SMOC1: variants seen among roughly 807,000 people sequenced by gnomAD.
SMOC1 encodes the protein SPARC-related modular calcium-binding protein 1.
SMOC1 carries 22 observed loss-of-function variants against 56.3 expected under a neutral mutation model. The ratio of observed to expected loss-of-function variants is 0.39; its 90% CI spans 0.28 to 0.56. The LOEUF (loss-of-function observed/expected upper bound fraction) is 0.56. Among genes scored for constraint, SMOC1 ranks in the 20% least tolerant of loss-of-function variants. The pLI is 0.61. For missense variants in SMOC1, 509 were observed against 565.4 expected, an observed-to-expected ratio of 0.90 and a Z score of 1.01; for synonymous variants, 193 against 215.0, an observed-to-expected ratio of 0.90 and a Z score of 0.89.
chr14:70,015,353 C>T (rs1255018048), intron 10 of SMOC1, among the ~76,000 whole-genome samples: 1 of 151,840 alleles, frequency 6.6e-6, no homozygotes, highest in Non-Finnish European at 1.5e-5. Context: ...GATCTGCTGT[C>T]CAACATTGTC....
At chr14:69,982,384 T>C (rs1201348793) in intron 5 of SMOC1, among the ~76,000 whole-genome samples, 2 of 152,208 alleles carry the variant, frequency 1.3e-5, no homozygotes, top group African/African-American at 4.8e-5. Context: ...CATATTTATT[T>C]CTCCAAGGTC....
intron 1 of SMOC1, among the ~76,000 whole-genome samples, chr14:69,947,257 A>G (rs1484060979): frequency 6.6e-6 from 1 of 151,578 alleles, no homozygotes; most frequent in Non-Finnish European, 1.5e-5. Flanking sequence ...TGCAGCCTTC[A>G]CCTCTTAGCT....
intron 1 of SMOC1, among the ~76,000 whole-genome samples, chr14:69,940,160 G>GCCCT (rs1330968574): frequency 6.6e-6 from 1 of 152,116 alleles, no homozygotes; most frequent in Non-Finnish European, 1.5e-5. Context: ...CAACCAGAGG[G>GCCCT]GTTCAGTCAC....
At chr14:69,974,814 G>A (rs930120859) in intron 3 of SMOC1, among the ~76,000 whole-genome samples, 8 of 152,096 alleles carry the variant, frequency 5.3e-5, no homozygotes, top group African/African-American at 1.9e-4. Context: ...TCACACAGTG[G>A]TGCAGCAGGG....
At chr14:70,009,753 A>G (rs1342113015) in intron 7 of SMOC1, among the ~76,000 whole-genome samples, 1 of 152,252 alleles carries the variant, frequency 6.6e-6, no homozygotes, top group Non-Finnish European at 1.5e-5. Context: ...CCATGTATGT[A>G]TGTACATAAA....
At chr14:69,970,612 T>A (rs753717849) in intron 3 of SMOC1, among the ~76,000 whole-genome samples, 2 of 152,094 alleles carry the variant, frequency 1.3e-5, no homozygotes, top group African/African-American at 4.8e-5. Flanking sequence ...ATCATGAAAG[T>A]GGAAGGTGGT....
chr14:70,022,795 A>G (rs1237305153), intron 10 of SMOC1, among the ~76,000 whole-genome samples: 1 of 152,248 alleles, frequency 6.6e-6, no homozygotes, highest in African/African-American at 2.4e-5. Context: ...TCAGTCCACC[A>G]CAGGGCACAT....
At chr14:69,903,179 C>T (rs1884299648) in intron 1 of SMOC1, among the ~76,000 whole-genome samples, 1 of 151,814 alleles carries the variant, frequency 6.6e-6, no homozygotes, top group Non-Finnish European at 1.5e-5. Context: ...TCAGGAGCGT[C>T]TCTGCCCGGC....
intron 10 of SMOC1, among the ~76,000 whole-genome samples, chr14:70,017,436 C>T (rs1885558299): frequency 1.3e-5 from 2 of 152,174 alleles, no homozygotes; most frequent in African/African-American, 4.8e-5. Context: ...GAGTTTTGGC[C>T]TTGGCTGTGG....
At chr14:69,919,912 C>CA (rs199923475) in intron 1 of SMOC1, among the ~76,000 whole-genome samples, 1 of 64,330 alleles carries the variant, frequency 1.6e-5, no homozygotes, top group Non-Finnish European at 3.7e-5. Context: ...ACACAAATAC[C>CA]CCCCCCCCCC....
At chr14:69,948,584 A>G (rs1002794692) in intron 1 of SMOC1, among the ~76,000 whole-genome samples, 1 of 152,068 alleles carries the variant, frequency 6.6e-6, no homozygotes, top group African/African-American at 2.4e-5. Context: ...CTTCACGGGG[A>G]TGCTGGCAGC....
At chr14:69,880,011 C>G (rs1331767808) in intron 1 of SMOC1, among the ~76,000 whole-genome samples, 1 of 152,200 alleles carries the variant, frequency 6.6e-6, no homozygotes, top group Non-Finnish European at 1.5e-5. Context: ...CCCGAACTGT[C>G]ACTGGTGGGT....
intron 1 of SMOC1, among the ~76,000 whole-genome samples, chr14:69,943,874 A>G (rs1388232695): frequency 6.6e-6 from 1 of 152,232 alleles, no homozygotes; most frequent in African/African-American, 2.4e-5. Flanking sequence ...CACTGTTGCC[A>G]GAGCTGACAG....
At chr14:69,949,790 G>A (rs887038560) in intron 1 of SMOC1, among the ~76,000 whole-genome samples, 1 of 152,168 alleles carries the variant, frequency 6.6e-6, no homozygotes, top group South Asian at 2.1e-4. Flanking sequence ...GCCAGAGAGG[G>A]GCCCCCGGGT....
At chr14:69,938,496 C>T (rs1882411165) in intron 1 of SMOC1, among the ~76,000 whole-genome samples, 1 of 113,626 alleles carries the variant, frequency 8.8e-6, no homozygotes, top group East Asian at 2.3e-4. Context: ...AGAAAGGAGA[C>T]CCAGCAAGAG....
chr14:69,950,075 A>G lies in SMOC1; in HGVS notation c.100-2063A>G, dbSNP rs61980659. Among the ~76,000 whole-genome samples the G allele has an allele frequency of 5.0e-3, 767 of 152,284 alleles. 5 individuals are homozygous for G. Among genetic ancestry groups the G allele is most frequent in the Non-Finnish European group, 8.8e-3 (600 of 68,016 alleles). ...TGTGCTCATGAGACACTATCTGGAT[A>G]TTTCCCTTTGGGCCCTGGGCAAGAT... On this transcript the variant is annotated intron_variant, in intron 1 of 11. Transcript: ENST00000361956.
intron 1 of SMOC1, among the ~76,000 whole-genome samples, chr14:69,889,079 A>C (rs1158607514): frequency 1.3e-5 from 2 of 152,220 alleles, no homozygotes; most frequent in African/African-American, 4.8e-5. Context: ...TAGTACACTG[A>C]GGACCTGAAT....
At chr14:69,997,662 G>A (rs1884816708) in intron 7 of SMOC1, among the ~76,000 whole-genome samples, 1 of 152,160 alleles carries the variant, frequency 6.6e-6, no homozygotes, top group Non-Finnish European at 1.5e-5. Context: ...GTGACTCTTG[G>A]TGGAATATCT....
Position 69,879,704 on chromosome 14 carries a change from TG to T in SMOC1, c.27del (p.Leu10SerfsTer26). 6.3e-7 allele frequency: 1 copy of T among 1,582,632 alleles called. No homozygotes were observed. On this transcript the variant is annotated frameshift_variant, in exon 1 of 12. Transcript: ENST00000361956. LOFTEE classifies it high-confidence loss of function. The stretch of plus-strand genomic sequence containing the variant: ...ATGCTGCCCGCGCGCTGCGCCCGCC[TG>T]CTCACGCCCCACTTGCTGCTGGTGT... MLPARCAR[L>X]LTPHLLLVLV... is the part of the protein sequence containing the mutation.
Sources: allele counts gnomAD v4.1 joint callset (sites outside exome capture counted in the v4.1 genomes callset), GRCh38; gene constraint gnomAD v4.1.1; transcripts MANE v1.5; gene names NCBI Gene and HGNC (gene_info 2026-07-23, HGNC 2026-07-21).